TAF12: variants seen among roughly 807,000 people sequenced by gnomAD.
TAF12 encodes the protein transcription initiation factor TFIID subunit 12.
In TAF12, 3 loss-of-function variants were observed where a neutral mutation model predicts 20.8. The observed-to-expected ratio is 0.14, with a 90% CI of 0.07 to 0.37. TAF12 has a LOEUF of 0.37. Among genes scored for constraint, TAF12 ranks in the 10% least tolerant of loss-of-function variants. The pLI is 1.00. For missense variants in TAF12, 131 were observed against 197.9 expected, an observed-to-expected ratio of 0.66 and a Z score of 2.03; for synonymous variants, 69 against 70.2, an observed-to-expected ratio of 0.98 and a Z score of 0.09.
At position 28,603,385 on chromosome 1, in the gene TAF12, C is replaced by A; in HGVS notation, c.*154G>T. ...AGGAGGCTTTATTCTTTTGGCAGATCCTCTCAGTCATTATAGATATTGCTG... is the reference window on the plus strand; with the variant it reads ...AGGAGGCTTTATTCTTTTGGCAGATACTCTCAGTCATTATAGATATTGCTG... On this transcript the variant is annotated 3_prime_UTR_variant, in exon 6 of 6. Transcript: ENST00000373824. The A allele has an allele frequency of 1.4e-6, 1 of 717,350 alleles. No individual in the cohort carries two copies. Among genetic ancestry groups the A allele is most frequent in the Admixed American group, 2.9e-5 (1 of 34,756 alleles). 44.4% of individuals were successfully genotyped at this position (717,350 alleles called of 1,614,324 possible). A position where few individuals can be genotyped will look rare whatever the true frequency, so the allele number is the denominator to read the frequency against.
chr1:28,639,843 T>C (rs1667974581), intron 1 of TAF12, among the ~76,000 whole-genome samples: 2 of 152,082 alleles, frequency 1.3e-5, no homozygotes, highest in African/African-American at 4.8e-5. Context: ...GTTTTTCAAA[T>C]TACTTTTTTT....
chr1:28,628,847 C>T (rs1191524761), intron 1 of TAF12, among the ~76,000 whole-genome samples: 1 of 152,188 alleles, frequency 6.6e-6, no homozygotes, highest in African/African-American at 2.4e-5. Flanking sequence ...CCAAGGCAGG[C>T]GGATCACCTG....
At chr1:28,631,177 A>AT (rs550856500) in intron 1 of TAF12, among the ~76,000 whole-genome samples, 4 of 150,442 alleles carry the variant, frequency 2.7e-5, no homozygotes, top group East Asian at 3.9e-4. Context: ...GGAGGAAAAA[A>AT]TTTTTTTTTT....
At chr1:28,606,918 G>T (rs868843203) in intron 4 of TAF12, among the ~76,000 whole-genome samples, 18 of 152,320 alleles carry the variant, frequency 1.2e-4, no homozygotes, top group Middle Eastern at 3.4e-3. Context: ...TAAGGCATGT[G>T]AAGTATTCAG....
chr1:28,603,892 T>C (rs1321540653), intron 5 of TAF12, among the ~76,000 whole-genome samples: 1 of 151,304 alleles, frequency 6.6e-6, no homozygotes, highest in Non-Finnish European at 1.5e-5. Flanking sequence ...TGGCAAAGCA[T>C]GTGTTTTCTT....
intron 2 of TAF12, among the ~76,000 whole-genome samples, chr1:28,620,778 C>T (rs1667197476): frequency 6.6e-6 from 1 of 151,966 alleles, no homozygotes; most frequent in Non-Finnish European, 1.5e-5. Flanking sequence ...TATACCATTG[C>T]ACTCTAGCCC....
At chr1:28,611,720 T>C (rs1272960822) in intron 4 of TAF12, among the ~76,000 whole-genome samples, 1 of 152,102 alleles carries the variant, frequency 6.6e-6, no homozygotes, top group Non-Finnish European at 1.5e-5. Context: ...TGCTGACACT[T>C]AGATTTCAGG....
intron 2 of TAF12, among the ~76,000 whole-genome samples, chr1:28,619,339 A>G (rs1411869134): frequency 2.0e-4 from 30 of 147,612 alleles, no homozygotes; most frequent in African/African-American, 7.2e-4. Flanking sequence ...TAAAAATGCA[A>G]AAAAAAAAAT....
At chr1:28,632,367 C>T (rs919512788) in intron 1 of TAF12, among the ~76,000 whole-genome samples, 11 of 151,994 alleles carry the variant, frequency 7.2e-5, no homozygotes, top group African/African-American at 2.4e-4. Context: ...ACCTGGGAGG[C>T]GGAGGTTGCA....
At chr1:28,605,150 A>G (rs994629302) in intron 5 of TAF12, among the ~76,000 whole-genome samples, 1 of 152,186 alleles carries the variant, frequency 6.6e-6, no homozygotes, top group African/African-American at 2.4e-5. Context: ...AGTTACGAGA[A>G]AAAACAGACC....
chr1:28,624,460 A>T (rs751793712), intron 1 of TAF12, among the ~76,000 whole-genome samples: 2 of 152,050 alleles, frequency 1.3e-5, no homozygotes, highest in Non-Finnish European at 2.9e-5. Flanking sequence ...TAATATGAGA[A>T]ATCTGGCCCG....
chr1:28,642,634 T>A (rs1218062152), intron 1 of TAF12: 24 of 985,018 alleles, frequency 2.4e-5, no homozygotes, highest in Non-Finnish European at 2.9e-5. Flanking sequence ...GGAGCCCAAG[T>A]CCTCACCGCT....
At chr1:28,644,657 C>A (rs984497565), upstream of TAF12, among the ~76,000 whole-genome samples, 1 of 152,228 alleles carries the variant, frequency 6.6e-6, no homozygotes, top group Non-Finnish European at 1.5e-5. Context: ...GAAGAGAATA[C>A]TGGAATAAGC....
upstream of TAF12, among the ~76,000 whole-genome samples, chr1:28,645,621 C>T (rs1163774859): frequency 1.3e-5 from 2 of 151,230 alleles, no homozygotes; most frequent in African/African-American, 2.4e-5. Flanking sequence ...GCACTCCAGC[C>T]TGCGTGACGG....
At chr1:28,638,951 A>T (rs1252279326) in intron 1 of TAF12, among the ~76,000 whole-genome samples, 6 of 149,894 alleles carry the variant, frequency 4.0e-5, no homozygotes, top group Non-Finnish European at 7.4e-5. Context: ...GTGCCCAGCT[A>T]ATTTTTTTTG....
At chr1:28,607,796 C>T (rs1666717264) in intron 4 of TAF12, among the ~76,000 whole-genome samples, 1 of 151,968 alleles carries the variant, frequency 6.6e-6, no homozygotes, top group African/African-American at 2.4e-5. Context: ...GCCATAATCA[C>T]ACCACTGCAC....
intron 4 of TAF12, among the ~76,000 whole-genome samples, chr1:28,606,859 G>A (rs1557456061): frequency 2.6e-5 from 4 of 152,194 alleles, no homozygotes; most frequent in Non-Finnish European, 1.5e-5. Flanking sequence ...TTATGTAGCT[G>A]TAACAACAGT....
chr1:28,616,527 G>C (rs908873389), intron 3 of TAF12, among the ~76,000 whole-genome samples: 5 of 152,008 alleles, frequency 3.3e-5, no homozygotes, highest in African/African-American at 1.2e-4. Context: ...GAGGTCAGGA[G>C]TCCGAGACCA....
intron 2 of TAF12, 139 bp downstream of exon 2, chr1:28,621,774 GT>G: frequency 7.6e-7 from 1 of 1,316,832 alleles, no homozygotes; most frequent in Non-Finnish European, 1.0e-6. Flanking sequence ...AACAAAAAAA[GT>G]TAGAAATCCA....
Sources: gnomAD v4.1 joint callset for allele counts (sites outside exome capture counted in the v4.1 genomes callset) on GRCh38, gnomAD v4.1.1 for gene constraint, MANE v1.5 for transcripts, NCBI Gene and HGNC (gene_info 2026-07-23, HGNC 2026-07-21) for gene names.